The following REXO5 variants were observed in gnomAD, a reference collection of about 807,000 sequenced individuals.
REXO5 encodes the protein RNA exonuclease 5.
REXO5 carries 48 observed loss-of-function variants against 88.5 expected under a neutral mutation model. The observed-to-expected ratio is 0.54, with a 90% CI of 0.43 to 0.69. The LOEUF (loss-of-function observed/expected upper bound fraction) is 0.69, where lower values mean the gene tolerates loss of function less well. Ranked by LOEUF, REXO5 falls within the 30% of genes least tolerant of loss-of-function variation. REXO5 has a pLI of 0.00. For synonymous variants in REXO5, 311 were observed against 336.5 expected, an observed-to-expected ratio of 0.92 and a Z score of 0.83; for missense variants, 749 against 912.2, an observed-to-expected ratio of 0.82 and a Z score of 2.30.
intron 5 of REXO5, among the ~76,000 whole-genome samples, chr16:20,817,622 AT>A (rs1163339986): frequency 6.6e-6 from 1 of 152,186 alleles, no homozygotes; most frequent in Non-Finnish European, 1.5e-5. Context: ...TTTGGATTTT[AT>A]TCTGTAGGCC....
chr16:20,807,822 T>TA (rs895541785), intron 2 of REXO5, among the ~76,000 whole-genome samples: 36 of 151,112 alleles, frequency 2.4e-4, no homozygotes, highest in African/African-American at 5.8e-4. Flanking sequence ...GGCACAAAAA[T>TA]ACAATTCCTT....
intron 2 of REXO5, among the ~76,000 whole-genome samples, chr16:20,809,312 T>A (rs1299994656): frequency 6.6e-6 from 1 of 152,208 alleles, no homozygotes; most frequent in Non-Finnish European, 1.5e-5. Flanking sequence ...CCATCAAAAT[T>A]GGAAATTACC....
intron 5 of REXO5, among the ~76,000 whole-genome samples, chr16:20,819,902 T>C (rs2081143173): frequency 1.3e-5 from 2 of 152,272 alleles, no homozygotes; most frequent in Admixed American, 1.3e-4. Flanking sequence ...AGACTTGCAG[T>C]TATGCACTAC....
chr16:20,812,042 C>T (rs938605775), intron 2 of REXO5, among the ~76,000 whole-genome samples: 12 of 152,198 alleles, frequency 7.9e-5, no homozygotes, highest in African/African-American at 2.9e-4. Flanking sequence ...AGCTTCTAAC[C>T]GCTATGCTCT....
In REXO5 at chr16:20,849,660, A is replaced by T. The variant is rs772874463; in HGVS notation, c.*180A>T. The T allele has an allele frequency of 1.7e-6, 1 of 604,210 alleles. No homozygotes were observed. The highest frequency in any genetic ancestry group is 2.9e-6 in the Non-Finnish European group (1 of 339,416). The allele number at this position is 604,210 out of a possible 1,614,324, so 37.4% of individuals were successfully genotyped here. ...GTTTTCAATAAATGCCTAAAGTTCAAGCATAGTATGGGGATGTCCACAGAT... is the reference window on the plus strand; with the variant it reads ...GTTTTCAATAAATGCCTAAAGTTCATGCATAGTATGGGGATGTCCACAGAT... On this transcript the variant is annotated 3_prime_UTR_variant, in exon 20 of 20. Transcript: ENST00000261377.
Position 20,849,456 on chromosome 16 carries a change from C to T in REXO5, c.2301C>T (p.Ser767=), listed in dbSNP as rs772267065. 6.2e-6 allele frequency: 10 copies of T among 1,613,966 alleles called. No homozygotes were observed. Among genetic ancestry groups the T allele is most frequent in the African/African-American group, 2.7e-5 (2 of 74,926 alleles). ...TGGGAATAAAAGAGGAAGAAGAAAG[C>T]GCTGGCCCAGGCCTGTGTTCGTGAG... ...GLMGIKEEEE[S]AGPGLCS is the part of the protein sequence containing the mutation. The change falls in exon 20 of 20, where the codon AGC becomes AGT. Residue 767 remains serine, a synonymous_variant. Transcript: ENST00000261377.
chr16:20,827,254 C>G lies in REXO5; in HGVS notation c.960+58C>G. 4 of 1,608,954 alleles carry G rather than the reference C, an allele frequency of 2.5e-6. No individual in the cohort carries two copies. The South Asian group carries it at 4.4e-5, about 18-fold the overall frequency. ...GTATAAATGCCTGTTCCATTTATCTCAAATCTAAAGTCTTGGGCTCTTCTC... is the reference window on the plus strand; with the variant it reads ...GTATAAATGCCTGTTCCATTTATCTGAAATCTAAAGTCTTGGGCTCTTCTC... On this transcript the variant is annotated intron_variant, in intron 9 of 19. Transcript: ENST00000261377.
chr16:20,840,013 TG>T (rs2152511140), intron 14 of REXO5, 154 bp downstream of exon 14: 2 of 612,864 alleles, frequency 3.3e-6, no homozygotes, highest in South Asian at 4.7e-5. Flanking sequence ...TTTATGAAAA[TG>T]GGAATCAGAC....
chr16:20,810,765 A>T (rs1446520609), intron 2 of REXO5, among the ~76,000 whole-genome samples: 1 of 152,106 alleles, frequency 6.6e-6, no homozygotes, highest in Non-Finnish European at 1.5e-5. Context: ...AGTATATTTG[A>T]TCAATCCTTA....
intron 13 of REXO5, among the ~76,000 whole-genome samples, chr16:20,834,429 G>A (rs2081393595): frequency 6.6e-6 from 1 of 152,118 alleles, no homozygotes; most frequent in Non-Finnish European, 1.5e-5. Context: ...CACCAGGCTC[G>A]GCCAAGTGTT....
chr16:20,849,479 G>C lies in REXO5; in HGVS notation c.2324G>C (p.Ter775SerextTer44), dbSNP rs2081660282. 1.2e-6 allele frequency: 2 copies of C among 1,613,816 alleles called. No individual in the cohort carries two copies. The highest frequency in any genetic ancestry group is 1.7e-6 in the Non-Finnish European group (2 of 1,179,842). Residue 775 changes from the stop codon to serine (S), a stop_lost, in exon 20 of 20, where the codon TGA becomes TCA. Transcript: ENST00000261377. The part of the protein sequence containing the change: ...EESAGPGLCS[*>S] The stretch of plus-strand genomic sequence containing the variant: ...AGCGCTGGCCCAGGCCTGTGTTCGT[G>C]AGTCGGCCTGCCATGTTTCCATGTG...
Position 20,816,106 on chromosome 16 carries a change from A to G in REXO5, c.379-10A>G. On this transcript the variant is annotated splice_polypyrimidine_tract_variant and intron_variant, in intron 4 of 19. Transcript: ENST00000261377. ...AACCATTTTTGTAAAACCTGTTAAT[A>G]TATTTTCAGAAATTCCGCTTGCCTC... is the stretch of plus-strand genomic sequence containing the variant. The G allele has an allele frequency of 4.3e-6, 7 of 1,612,834 alleles. No homozygotes were observed. Among genetic ancestry groups the G allele is most frequent in the South Asian group, 1.1e-5 (1 of 90,970 alleles).
chr16:20,841,291 G>A (rs1442515612), intron 15 of REXO5, among the ~76,000 whole-genome samples: 1 of 152,100 alleles, frequency 6.6e-6, no homozygotes, highest in Non-Finnish European at 1.5e-5. Context: ...GTTTATATGT[G>A]AAGCAATAAC....
chr16:20,807,768 A>C (rs561618778), intron 2 of REXO5, among the ~76,000 whole-genome samples: 3 of 151,984 alleles, frequency 2.0e-5, no homozygotes, highest in East Asian at 3.9e-4. Flanking sequence ...CAAAACAAAA[A>C]AAAAACTGCC....
At chr16:20,839,022 C>T (rs542996190) in intron 13 of REXO5, among the ~76,000 whole-genome samples, 3 of 152,224 alleles carry the variant, frequency 2.0e-5, no homozygotes, top group East Asian at 1.9e-4. Context: ...TGTTCTGGTC[C>T]GTATATTGTT....
intron 3 of REXO5, 61 bp from the exon 4 acceptor site, chr16:20,814,866 A>G (rs1340552131): frequency 1.3e-6 from 2 of 1,534,556 alleles, no homozygotes; most frequent in East Asian, 2.4e-5. Flanking sequence ...TTTCCCCTCT[A>G]TATGACTGTA....
At position 20,832,265 on chromosome 16, in the gene REXO5, A is replaced by G; in HGVS notation, c.1262+6A>G. The G allele has an allele frequency of 6.3e-7, 1 of 1,584,094 alleles. No homozygotes were observed. Among genetic ancestry groups the G allele is most frequent in the South Asian group, 1.1e-5 (1 of 88,508 alleles). On this transcript the variant is annotated splice_donor_region_variant and intron_variant, in intron 12 of 19. Coordinates refer to ENST00000261377, the MANE Select transcript of REXO5 (RefSeq NM_030941.3). ...CTTCAGCACCCAAACACAAGGTAAT[A>G]TTTTCAGTTTGAAACAAGAGCAAAG...
chr16:20,847,093 T>A lies in REXO5; in HGVS notation c.2243+754T>A, dbSNP rs561295813. Among the ~76,000 whole-genome samples, 250 of 152,108 alleles carry A rather than the reference T, an allele frequency of 1.6e-3. 1 individual carries two copies. Among genetic ancestry groups the A allele is most frequent in the African/African-American group, 6.0e-3 (248 of 41,480 alleles). ...AACAGTGTGAAAACCTTGGGTTGTG[T>A]TAATTTTTAAAAGTCCCTTGAGATT... On this transcript the variant is annotated intron_variant, in intron 19 of 19. Coordinates refer to ENST00000261377, the MANE Select transcript of REXO5 (RefSeq NM_030941.3).
chr16:20,844,673 C>T lies in REXO5; in HGVS notation c.1764C>T (p.Leu588=), dbSNP rs1439395221. ...VTELTLDCDT[L]VNELEGDSEN... is the part of the protein sequence containing the mutation. ...AGCTCACGCTTGATTGTGACACCCT[C>T]GTGAATGAGCTGGAAGGAGATTCTG... Residue 588 remains leucine (L), a synonymous_variant, in exon 17 of 20, where the codon CTC becomes CTT. Coordinates refer to ENST00000261377, the MANE Select transcript of REXO5 (RefSeq NM_030941.3). 6.2e-6 allele frequency: 10 copies of T among 1,614,048 alleles called. No individual in the cohort carries two copies. Among genetic ancestry groups the T allele is most frequent in the South Asian group, 1.1e-5 (1 of 91,088 alleles).
Sources: gnomAD v4.1 joint callset for allele counts (sites outside exome capture counted in the v4.1 genomes callset) on GRCh38, gnomAD v4.1.1 for gene constraint, MANE v1.5 for transcripts, NCBI Gene and HGNC (gene_info 2026-07-23, HGNC 2026-07-21) for gene names.